The following DLG2 variants were observed in gnomAD, a reference collection of about 807,000 sequenced individuals.
DLG2 encodes discs large MAGUK scaffold protein 2.
In DLG2, 45 loss-of-function variants were observed where a neutral mutation model predicts 132.5. The ratio of observed to expected loss-of-function variants is 0.34; its 90% confidence interval spans 0.27 to 0.44. The LOEUF is 0.44. DLG2 is among the 20% of genes least tolerant of loss of function. The probability of loss-of-function intolerance (pLI) is 1.00; values close to 1 mark genes in which losing one functional copy is unlikely to be tolerated. For synonymous variants in DLG2, 424 were observed against 419.6 expected (o/e 1.01, Z -0.13); for missense variants, 1,045 against 1,196.9 (o/e 0.87, Z 1.87).
At chr11:84,848,040 G>A (rs2187360) in intron 6 of DLG2, among the ~76,000 whole-genome samples, 78,258 of 151,908 alleles carry the variant, frequency 0.52, 21,428 homozygotes, top group African/African-American at 0.69. Context: ...ATGGAAAAGT[G>A]AAAATGAGTC....
At chr11:85,362,161 GC>G (rs2084202892) in intron 3 of DLG2, among the ~76,000 whole-genome samples, 1 of 152,028 alleles carries the variant, frequency 6.6e-6, no homozygotes, top group Non-Finnish European at 1.5e-5. Context: ...TCACTATGTT[GC>G]CCAGGCTGGT....
intron 10 of DLG2, among the ~76,000 whole-genome samples, chr11:84,063,615 A>G (rs1175769664): frequency 6.6e-6 from 1 of 152,184 alleles, no homozygotes; most frequent in African/African-American, 2.4e-5. Context: ...ATTACTGGGT[A>G]TATACCCAAA....
intron 3 of DLG2, among the ~76,000 whole-genome samples, chr11:85,362,359 G>A (rs555032037): frequency 6.6e-6 from 1 of 152,086 alleles, no homozygotes; most frequent in East Asian, 1.9e-4. Context: ...TTTGTTTTTG[G>A]GTTTTTTGGG....
chr11:83,945,973 C>CCTTTCCTTCCTTCCT (rs1338581440), intron 14 of DLG2, among the ~76,000 whole-genome samples: 99 of 142,616 alleles, frequency 6.9e-4, no homozygotes, highest in Non-Finnish European at 1.4e-3. Flanking sequence ...TTCCTTTTCT[C>CCTTTCCTTCCTTCCT]TTTCTCTTTC....
intron 18 of DLG2, among the ~76,000 whole-genome samples, chr11:83,635,433 G>A (rs573117210): frequency 9.2e-5 from 14 of 152,256 alleles, no homozygotes; most frequent in African/African-American, 2.9e-4. Flanking sequence ...GTCTATGGAT[G>A]TTGAAAATTT....
chr11:85,285,424 CT>C lies in DLG2; in HGVS notation c.41-60del, dbSNP rs1384667520. 2.3e-5 allele frequency: 35 copies of C among 1,530,504 alleles called. 1 individual carries two copies. In the Admixed American group the frequency reaches 6.2e-4, roughly 27 times the overall value. 94.8% of individuals were successfully genotyped at this position (1,530,504 alleles called of 1,614,324 possible). A position where few individuals can be genotyped will look rare whatever the true frequency, so the allele number is the denominator to read the frequency against. On this transcript the variant is annotated intron_variant, in intron 3 of 27. Transcript: ENST00000376104. ...TAATGCATGACTTCATAAATAGCTT[CT>C]GCATATATGTCCATATATAGACATA...
intron 7 of DLG2, among the ~76,000 whole-genome samples, chr11:84,493,768 A>G (rs2099171788): frequency 6.6e-6 from 1 of 152,182 alleles, no homozygotes; most frequent in Admixed American, 6.5e-5. Context: ...GATAATGTAT[A>G]CAAAGTGCTT....
intron 6 of DLG2, among the ~76,000 whole-genome samples, chr11:84,979,125 A>T (rs2055354020): frequency 6.6e-6 from 1 of 152,324 alleles, no homozygotes; most frequent in East Asian, 1.9e-4. Flanking sequence ...ATCTCACACC[A>T]GTTAGAATGG....
intron 7 of DLG2, among the ~76,000 whole-genome samples, chr11:84,323,182 T>C (rs962622073): frequency 3.3e-5 from 5 of 152,196 alleles, no homozygotes; most frequent in East Asian, 1.9e-4. Context: ...TCTACACCCA[T>C]TGAACAACAA....
chr11:84,217,382 TA>T (rs1282057308), intron 8 of DLG2, among the ~76,000 whole-genome samples: 3 of 152,168 alleles, frequency 2.0e-5, no homozygotes, highest in Non-Finnish European at 4.4e-5. Flanking sequence ...CTGATGGCTT[TA>T]TAAAGGGGAG....
At chr11:84,993,249 C>A (rs975495595) in intron 6 of DLG2, among the ~76,000 whole-genome samples, 1 of 152,110 alleles carries the variant, frequency 6.6e-6, no homozygotes, top group African/African-American at 2.4e-5. Context: ...ACATCACACA[C>A]TGGGGCCTGT....
At chr11:83,913,915 T>G (rs1202814775) in intron 15 of DLG2, among the ~76,000 whole-genome samples, 1 of 152,154 alleles carries the variant, frequency 6.6e-6, no homozygotes, top group African/African-American at 2.4e-5. Context: ...GGATAATGAA[T>G]TGCAGGTGCA....
intron 7 of DLG2, among the ~76,000 whole-genome samples, chr11:84,410,160 G>A (rs2098891975): frequency 6.6e-6 from 1 of 152,136 alleles, no homozygotes; most frequent in Admixed American, 6.6e-5. Flanking sequence ...TGTGAAGTGG[G>A]TATTGTTATC....
Position 84,502,226 on chromosome 11 carries a change from C to CT in DLG2, c.519+32343_519+32344insA, listed in dbSNP as rs373725351. On this transcript the variant is annotated intron_variant, in intron 7 of 27. Coordinates refer to ENST00000376104, the MANE Select transcript of DLG2 (RefSeq NM_001142699.3). ...TCCTTCCTTCCTTCCTTCCTTCCTT[C>CT]CTTCCTTCCTTCCTTCCTTCCTTCC... Among the ~76,000 whole-genome samples, 22 of 19,056 alleles carry CT rather than the reference C, an allele frequency of 1.2e-3. 1 individual carries two copies. The highest frequency in any genetic ancestry group is 5.7e-3 in the South Asian group (2 of 350). 12.5% of individuals were successfully genotyped at this position (19,056 alleles called of 152,430 possible).
At chr11:85,109,919 C>T (rs2072434514) in intron 6 of DLG2, among the ~76,000 whole-genome samples, 3 of 152,066 alleles carry the variant, frequency 2.0e-5, no homozygotes, top group Non-Finnish European at 4.4e-5. Flanking sequence ...TATTAATCCT[C>T]TTTACCAAGA....
chr11:83,477,792 GC>G (rs2092738043), intron 22 of DLG2, among the ~76,000 whole-genome samples: 1 of 151,842 alleles, frequency 6.6e-6, no homozygotes, highest in African/African-American at 2.4e-5. Context: ...TACAGCAAAA[GC>G]CAGGAATGCA....
At chr11:83,752,623 G>A (rs2093376545) in intron 18 of DLG2, among the ~76,000 whole-genome samples, 1 of 152,202 alleles carries the variant, frequency 6.6e-6, no homozygotes, top group Non-Finnish European at 1.5e-5. Context: ...AGCAATTGGA[G>A]ATATAAAGCA....
At chr11:85,180,908 A>G (rs1206567917) in intron 4 of DLG2, among the ~76,000 whole-genome samples, 1 of 151,834 alleles carries the variant, frequency 6.6e-6, no homozygotes, top group African/African-American at 2.4e-5. Flanking sequence ...CACAGCTACC[A>G]AAAGGTAGAG....
chr11:83,726,727 G>C (rs890123705), intron 18 of DLG2, among the ~76,000 whole-genome samples: 1 of 151,388 alleles, frequency 6.6e-6, no homozygotes. Context: ...TGCAGACCCT[G>C]AGAGACATCA....
Sources: allele counts gnomAD v4.1 joint callset (sites outside exome capture counted in the v4.1 genomes callset), GRCh38; gene constraint gnomAD v4.1.1; transcripts MANE v1.5; gene names NCBI Gene and HGNC (gene_info 2026-07-23, HGNC 2026-07-21).